Variants in C5 observed in about 807,000 individuals in gnomAD.
C5 encodes complement C5, also known as C3 and PZP-like alpha-2-macroglobulin domain-containing protein 4.
C5 carries 140 observed loss-of-function variants against 218.8 expected under a neutral mutation model. The observed-to-expected ratio is 0.64, with a 90% confidence interval of 0.56 to 0.74. C5 has a LOEUF of 0.74. Among genes scored for constraint, C5 ranks in the 30% least tolerant of loss-of-function variants. The pLI is 0.00. For missense variants in C5, 1,700 were observed against 1,969.6 expected, an observed-to-expected ratio of 0.86 and a Z score of 2.59; for synonymous variants, 614 against 682.3, an observed-to-expected ratio of 0.90 and a Z score of 1.56.
intron 29 of C5, 30 bp from the exon 30 acceptor site, chr9:120,974,961 T>C (rs772132257): frequency 1.9e-6 from 3 of 1,613,302 alleles, no homozygotes; most frequent in Non-Finnish European, 8.5e-7. Context: ...CACAAAAATA[T>C]GTTTAGTTTA....
intron 18 of C5, among the ~76,000 whole-genome samples, chr9:121,007,702 T>C (rs932042512): frequency 1.3e-5 from 2 of 152,178 alleles, no homozygotes; most frequent in African/African-American, 4.8e-5. Flanking sequence ...TATAATACAA[T>C]ATGATACACA....
At chr9:120,979,830 G>C (rs567747332) in intron 28 of C5, 7 of 436,614 alleles carry the variant, frequency 1.6e-5, no homozygotes, top group Non-Finnish European at 2.6e-5. Context: ...AGTGAGCCAC[G>C]ATCATGCCAC....
At chr9:120,977,599 G>A (rs2046962991) in intron 28 of C5, among the ~76,000 whole-genome samples, 2 of 152,000 alleles carry the variant, frequency 1.3e-5, no homozygotes, top group African/African-American at 4.8e-5. Flanking sequence ...GGACTATAGG[G>A]GTGTGCCACC....
chr9:121,033,391 G>A (rs2047494679), intron 5 of C5, among the ~76,000 whole-genome samples: 1 of 152,212 alleles, frequency 6.6e-6, no homozygotes, highest in Non-Finnish European at 1.5e-5. Flanking sequence ...ATTACATCAT[G>A]CATCCAGGAA....
chr9:121,032,050 G>A (rs957354061), intron 6 of C5, 63 bp downstream of exon 6: 24 of 969,784 alleles, frequency 2.5e-5, no homozygotes, highest in South Asian at 2.1e-4. Flanking sequence ...GCAACAGAGC[G>A]AGACTCCATC....
chr9:121,072,678 T>C, the C5 span, among the ~76,000 whole-genome samples: 2 of 151,784 alleles, frequency 1.3e-5, no homozygotes, highest in African/African-American at 4.8e-5. Context: ...TGGTGGTGCG[T>C]GCCTGTAATC....
chr9:121,010,491 C>T (rs1309417258), intron 17 of C5, among the ~76,000 whole-genome samples: 1 of 151,908 alleles, frequency 6.6e-6, no homozygotes, highest in African/African-American at 2.4e-5. Flanking sequence ...CAAGAGGACA[C>T]TCAAAAAAAT....
chr9:121,052,460 A>G (rs2047677372), upstream of C5, among the ~76,000 whole-genome samples: 1 of 151,920 alleles, frequency 6.6e-6, no homozygotes, highest in African/African-American at 2.4e-5. Flanking sequence ...TCAGAAAAAA[A>G]AAAAAAAAAA....
At chr9:121,039,823 T>C (rs1005966149) in intron 3 of C5, among the ~76,000 whole-genome samples, 9 of 152,012 alleles carry the variant, frequency 5.9e-5, no homozygotes, top group Admixed American at 2.6e-4. Context: ...TAATTTTTTG[T>C]ATTAGCTCAC....
chr9:120,960,193 C>T, intron 38 of C5, 55 bp downstream of exon 38: 2 of 1,096,314 alleles, frequency 1.8e-6, no homozygotes, highest in Non-Finnish European at 1.4e-6. Flanking sequence ...TCTAACTGAA[C>T]ACATATTCAT....
At chr9:120,958,098 T>C (rs1481321837) in intron 38 of C5, among the ~76,000 whole-genome samples, 1 of 152,226 alleles carries the variant, frequency 6.6e-6, no homozygotes. Flanking sequence ...ATTCTAGATA[T>C]CCCTCAAGTC....
intron 3 of C5, among the ~76,000 whole-genome samples, chr9:121,041,394 A>G (rs1181604764): frequency 7.9e-6 from 1 of 127,028 alleles, no homozygotes; most frequent in African/African-American, 3.1e-5. Context: ...AACCTCTGCC[A>G]CCTGGGTTCA....
At chr9:120,992,278 G>C (rs942168391) in intron 22 of C5, among the ~76,000 whole-genome samples, 1 of 152,188 alleles carries the variant, frequency 6.6e-6, no homozygotes, top group South Asian at 2.1e-4. Flanking sequence ...AAATGCAGAG[G>C]ATATATCAAA....
intron 17 of C5, among the ~76,000 whole-genome samples, chr9:121,010,626 G>GA (rs991817819): frequency 2.0e-5 from 3 of 151,528 alleles, no homozygotes; most frequent in South Asian, 2.1e-4. Context: ...TGCAGAAATA[G>GA]AAAAAAAATC....
At chr9:120,973,487 G>A (rs1345454684) in intron 30 of C5, among the ~76,000 whole-genome samples, 1 of 152,140 alleles carries the variant, frequency 6.6e-6, no homozygotes, top group Admixed American at 6.6e-5. Flanking sequence ...TGACTGGTGG[G>A]GACTGCAGTA....
chr9:121,021,474 T>G (rs1401925581), intron 11 of C5, 35 bp downstream of exon 11: 3 of 1,557,156 alleles, frequency 1.9e-6, no homozygotes, highest in East Asian at 2.2e-5. Context: ...GAGTACACAT[T>G]GTCCTAGAAA....
chr9:121,031,488 T>C (rs970020209), intron 6 of C5, among the ~76,000 whole-genome samples: 1 of 152,186 alleles, frequency 6.6e-6, no homozygotes, highest in African/African-American at 2.4e-5. Flanking sequence ...CTCCTAATAA[T>C]AATCACAATT....
chr9:121,053,043 G>A (rs1016949201), upstream of C5, among the ~76,000 whole-genome samples: 2 of 152,160 alleles, frequency 1.3e-5, no homozygotes, highest in Admixed American at 6.5e-5. Flanking sequence ...ATCAGATTGC[G>A]AACTTCAAGT....
chr9:120,961,664 A>G (rs1379120863), intron 36 of C5, 99 bp from the exon 37 acceptor site: 2 of 792,144 alleles, frequency 2.5e-6, no homozygotes, highest in African/African-American at 3.4e-5. Flanking sequence ...GAGATTGCTT[A>G]TTTTAAACCC....
Sources: gnomAD v4.1 joint callset for allele counts (sites outside exome capture counted in the v4.1 genomes callset) on GRCh38, gnomAD v4.1.1 for gene constraint, MANE v1.5 for transcripts, NCBI Gene and HGNC (gene_info 2026-07-23, HGNC 2026-07-21) for gene names.